The following MSH3 variants were observed in gnomAD, a reference collection of about 807,000 sequenced individuals.
MSH3 encodes DNA mismatch repair protein Msh3.
MSH3 carries 106 observed loss-of-function variants against 123.3 expected under a neutral mutation model. The observed-to-expected ratio is 0.86, with a 90% CI of 0.73 to 1.01. The LOEUF (loss-of-function observed/expected upper bound fraction) is 1.01, where lower values mean the gene tolerates loss of function less well. Ranked by LOEUF, MSH3 falls within the 50% of genes least tolerant of loss-of-function variation. The pLI, the probability that MSH3 is intolerant of heterozygous loss-of-function variation, is 0.00. For missense variants in MSH3, 1,459 were observed against 1,347.6 expected (o/e 1.08, Z -1.29); for synonymous variants, 515 against 481.4 (o/e 1.07, Z -0.91).
chr5:80,768,146 C>G (rs1377712050), intron 14 of MSH3, 26 bp downstream of exon 14: 1 of 1,591,970 alleles, frequency 6.3e-7, no homozygotes, highest in Admixed American at 1.7e-5. Context: ...TGAATTCTTC[C>G]TTTTCACCAG....
chr5:80,809,417 GAAC>G (rs1744967397), intron 19 of MSH3, among the ~76,000 whole-genome samples: 1 of 152,078 alleles, frequency 6.6e-6, no homozygotes, highest in Non-Finnish European at 1.5e-5. Context: ...AAGCCAAATT[GAAC>G]AATAAGTATA....
intron 8 of MSH3, among the ~76,000 whole-genome samples, chr5:80,711,187 C>T (rs1013241179): frequency 6.6e-6 from 1 of 152,086 alleles, no homozygotes; most frequent in Non-Finnish European, 1.5e-5. Context: ...TTTGAACAGC[C>T]CAGCTCTCAT....
At chr5:80,727,566 C>A (rs890943437) in intron 9 of MSH3, among the ~76,000 whole-genome samples, 7 of 152,170 alleles carry the variant, frequency 4.6e-5, no homozygotes, top group Non-Finnish European at 1.0e-4. Flanking sequence ...TGGCATATAT[C>A]CTTGTGTAAA....
chr5:80,729,460 G>GTA (rs376372477), intron 10 of MSH3, among the ~76,000 whole-genome samples: 1,078 of 94,972 alleles, frequency 0.011, 13 homozygotes, highest in South Asian at 0.024. Flanking sequence ...GTGTGTGTGT[G>GTA]TATATATATA....
intron 8 of MSH3, among the ~76,000 whole-genome samples, chr5:80,687,577 G>T (rs1167608197): frequency 6.6e-6 from 1 of 152,164 alleles, no homozygotes; most frequent in African/African-American, 2.4e-5. Flanking sequence ...GTAATGGGGA[G>T]GGGGGAAGGG....
chr5:80,839,685 T>A (rs1745582646), intron 20 of MSH3, among the ~76,000 whole-genome samples: 1 of 152,234 alleles, frequency 6.6e-6, no homozygotes, highest in African/African-American at 2.4e-5. Context: ...TACCCAGAGA[T>A]AACTACTCTA....
intron 19 of MSH3, among the ~76,000 whole-genome samples, chr5:80,811,795 A>C (rs1745013809): frequency 6.6e-6 from 1 of 152,002 alleles, no homozygotes; most frequent in East Asian, 1.9e-4. Context: ...AAGAGATTAA[A>C]AAGAGATTAA....
chr5:80,808,858 C>CATATATATATATATATATAT (rs747818551), intron 19 of MSH3, among the ~76,000 whole-genome samples: 361 of 65,292 alleles, frequency 5.5e-3, no homozygotes, highest in African/African-American at 6.8e-3. Context: ...ATATCTTCTT[C>CATATATATATATATATATAT]ATATATATAT....
At chr5:80,712,347 G>A (rs1416725786) in intron 8 of MSH3, among the ~76,000 whole-genome samples, 1 of 152,014 alleles carries the variant, frequency 6.6e-6, no homozygotes, top group Non-Finnish European at 1.5e-5. Flanking sequence ...AAGATTATGA[G>A]GTAAAGAGTT....
At chr5:80,808,865 A>ATATATATATCTATATATATATCTATC (rs1441994386) in intron 19 of MSH3, among the ~76,000 whole-genome samples, 20 of 122,106 alleles carry the variant, frequency 1.6e-4, no homozygotes, top group South Asian at 5.3e-4. Context: ...CTTCATATAT[A>ATATATATATCTATATATATATCTATC]TATATATATA....
intron 20 of MSH3, among the ~76,000 whole-genome samples, chr5:80,816,221 C>G (rs1745100423): frequency 6.6e-6 from 1 of 152,122 alleles, no homozygotes. Context: ...TAATCACATA[C>G]AGAAATGTGA....
At position 80,875,983 on chromosome 5, in the gene MSH3, ATTCCTATTGGAAACAGAGAGGTTT is replaced by A. The variant is rs1370669975; in HGVS notation, c.*125_*148del. The A allele has an allele frequency of 1.0e-5, 7 of 693,198 alleles. No individual in the cohort carries two copies. The highest frequency in any genetic ancestry group is 1.8e-5 in the Non-Finnish European group (7 of 388,968). The allele number at this position is 693,198 out of a possible 1,614,324, so 42.9% of individuals were successfully genotyped here. A position where few individuals can be genotyped will look rare whatever the true frequency, so the allele number is the denominator to read the frequency against. ...GAGCATAAAATTATGACCATGGTATATTCCTATTGGAAACAGAGAGGTTTTTCTGAAGACAGTCTTTTTCAAGTT... is the reference window on the plus strand; with the variant it reads ...GAGCATAAAATTATGACCATGGTATATTCTGAAGACAGTCTTTTTCAAGTT... On this transcript the variant is annotated 3_prime_UTR_variant, in exon 24 of 24. Coordinates refer to ENST00000265081, the MANE Select transcript of MSH3 (RefSeq NM_002439.5).
Position 80,676,092 on chromosome 5 carries a change from G to A in MSH3, c.1173+964G>A, listed in dbSNP as rs539521622. Among the ~76,000 whole-genome samples, 315 of 152,230 alleles carry A rather than the reference G, an allele frequency of 2.1e-3. 3 individuals carry two copies. Among genetic ancestry groups the A allele is most frequent in the African/African-American group, 7.2e-3 (299 of 41,544 alleles). On this transcript the variant is annotated intron_variant, in intron 7 of 23. Transcript: ENST00000265081. ...GTCACCCAGGCTGGAGTGCAATGGCGTGATCTTGGCTCACTGCAACCTCTG... is the reference window on the plus strand; with the variant it reads ...GTCACCCAGGCTGGAGTGCAATGGCATGATCTTGGCTCACTGCAACCTCTG...
At chr5:80,659,834 C>T (rs528178264) in intron 2 of MSH3, among the ~76,000 whole-genome samples, 1 of 152,256 alleles carries the variant, frequency 6.6e-6, no homozygotes, top group South Asian at 2.1e-4. Context: ...AGCTTTCTGT[C>T]TCTATCATTT....
At chr5:80,693,388 T>A in intron 8 of MSH3, among the ~76,000 whole-genome samples, 1 of 64,056 alleles carries the variant, frequency 1.6e-5, no homozygotes, top group Non-Finnish European at 3.1e-5. Flanking sequence ...TATGTTTATA[T>A]AGATATACAT....
intron 17 of MSH3, among the ~76,000 whole-genome samples, chr5:80,781,970 A>G (rs978148200): frequency 1.2e-4 from 18 of 152,198 alleles, no homozygotes; most frequent in Admixed American, 1.0e-3. Context: ...AGTGAAGAAA[A>G]TCATGTAAAG....
intron 17 of MSH3, 112 bp from the exon 18 acceptor site, chr5:80,787,453 C>T: frequency 1.3e-6 from 1 of 775,768 alleles, no homozygotes. Flanking sequence ...GGAATGCCTG[C>T]TGATCATCTG....
At chr5:80,741,571 T>C (rs773431535) in intron 11 of MSH3, 23 bp downstream of exon 11, 2 of 1,547,570 alleles carry the variant, frequency 1.3e-6, no homozygotes, top group South Asian at 1.1e-5. Context: ...CAAGGGCTAG[T>C]TGATTATAAA....
Position 80,725,691 on chromosome 5 carries a change from C to T in MSH3, c.1453+126C>T, listed in dbSNP as rs1743283109. 3.0e-5 allele frequency: 22 copies of T among 726,288 alleles called. No homozygotes were observed. The South Asian group carries it at 3.3e-4, about 11-fold the overall frequency. 45.0% of individuals were successfully genotyped at this position (726,288 alleles called of 1,614,324 possible). On this transcript the variant is annotated intron_variant, in intron 9 of 23. Coordinates refer to ENST00000265081, the MANE Select transcript of MSH3 (RefSeq NM_002439.5). ...AAATATGTGGGAGAAGAAGAGCTCACTGTTGTTGTGCTCATCAGAAACACT... is the reference window on the plus strand; with the variant it reads ...AAATATGTGGGAGAAGAAGAGCTCATTGTTGTTGTGCTCATCAGAAACACT...
Sources: allele counts gnomAD v4.1 joint callset (sites outside exome capture counted in the v4.1 genomes callset), GRCh38; gene constraint gnomAD v4.1.1; transcripts MANE v1.5; gene names NCBI Gene and HGNC (gene_info 2026-07-23, HGNC 2026-07-21).